SOX6: variants seen among roughly 807,000 people sequenced by gnomAD.
SOX6 encodes SRY-box transcription factor 6, also known as transcription factor SOX-6.
A neutral mutation model predicts 97.8 loss-of-function variants in SOX6; 11 were observed. That is an observed-to-expected ratio of 0.11 (90% confidence interval 0.07 to 0.19). SOX6 has a LOEUF of 0.19. Among genes scored for constraint, SOX6 ranks in the 10% least tolerant of loss-of-function variants. The pLI is 1.00. For missense variants in SOX6, 810 were observed against 1,039.5 expected, an observed-to-expected ratio of 0.78 and a Z score of 3.04; for synonymous variants, 360 against 371.4, an observed-to-expected ratio of 0.97 and a Z score of 0.35.
Position 16,442,963 on chromosome 11 carries a change from T to C in SOX6, c.-5+33352A>G, listed in dbSNP as rs79824148. Among the ~76,000 whole-genome samples the C allele has an allele frequency of 3.9e-5, 6 of 152,240 alleles. 1 individual carries two copies. The East Asian group carries it at 1.2e-3, about 29-fold the overall frequency. ...AGTGCACCACCAAAATCACAAGAAT[T>C]TTTTTTCAGCCCAATCCTTTCCCCC... On this transcript the variant is annotated intron_variant, in intron 1 of 15. Transcript: ENST00000396356.
intron 9 of SOX6, among the ~76,000 whole-genome samples, chr11:16,090,515 T>C (rs1275811940): frequency 2.0e-5 from 3 of 152,050 alleles, no homozygotes; most frequent in African/African-American, 4.8e-5. Flanking sequence ...TACCTATATT[T>C]CTTTAGCCTC....
At chr11:16,223,480 T>G (rs1183360130) in intron 4 of SOX6, among the ~76,000 whole-genome samples, 2 of 152,124 alleles carry the variant, frequency 1.3e-5, no homozygotes, top group African/African-American at 4.8e-5. Flanking sequence ...TACCCTGTCA[T>G]CTCTCATTCC....
chr11:16,514,096 G>C (rs1290378704), intron 4 of SOX6, among the ~76,000 whole-genome samples: 1 of 151,590 alleles, frequency 6.6e-6, no homozygotes, highest in Non-Finnish European at 1.5e-5. Flanking sequence ...CATTTTTGTA[G>C]TTCCAGCTAG....
At chr11:16,658,682 T>C (rs866065394) in intron 3 of SOX6, among the ~76,000 whole-genome samples, 1 of 150,772 alleles carries the variant, frequency 6.6e-6, no homozygotes, top group African/African-American at 2.5e-5. Context: ...CACTCCAGCC[T>C]GGGCAACAGA....
chr11:16,629,454 G>A (rs573144836), intron 3 of SOX6, among the ~76,000 whole-genome samples: 14 of 152,182 alleles, frequency 9.2e-5, no homozygotes, highest in African/African-American at 3.4e-4. Context: ...CCTTTTTATC[G>A]TGGTGAATTA....
At chr11:16,634,844 C>T (rs1224322853) in intron 3 of SOX6, among the ~76,000 whole-genome samples, 3 of 152,096 alleles carry the variant, frequency 2.0e-5, no homozygotes, top group South Asian at 4.1e-4. Context: ...AATCGAATCA[C>T]GGGGGCAGTT....
In SOX6 at chr11:16,484,481, C is replaced by G. The variant is rs1860397778; in HGVS notation, n.610-8093G>C. The G allele has an allele frequency of 3.7e-6, 3 of 809,906 alleles. No individual in the cohort carries two copies. In the East Asian group the frequency reaches 7.3e-5, roughly 20 times the overall value. 50.2% of individuals were successfully genotyped at this position (809,906 alleles called of 1,614,324 possible). A position where few individuals can be genotyped will look rare whatever the true frequency, so the allele number is the denominator to read the frequency against. Reference sequence around the variant, plus strand: ...CTCCTCGCACTTCACCACCTGCTCCCTGAGCTTCTCCTGAATGGCCACCTC... The same window carrying G: ...CTCCTCGCACTTCACCACCTGCTCCGTGAGCTTCTCCTGAATGGCCACCTC... On this transcript the variant is annotated intron_variant and non_coding_transcript_variant, in intron 4 of 5. Coordinates refer to the SOX6 transcript ENST00000524520.
intron 4 of SOX6, among the ~76,000 whole-genome samples, chr11:16,589,335 T>C (rs1848126262): frequency 6.6e-6 from 1 of 152,206 alleles, no homozygotes; most frequent in Admixed American, 6.5e-5. Flanking sequence ...CTTACCTAGA[T>C]TTAAATACAG....
intron 13 of SOX6, among the ~76,000 whole-genome samples, chr11:16,014,205 G>T (rs1454903146): frequency 1.3e-5 from 2 of 152,004 alleles, no homozygotes; most frequent in African/African-American, 4.8e-5. Flanking sequence ...AGCAATTTCT[G>T]CTGATGTGCT....
intron 4 of SOX6, among the ~76,000 whole-genome samples, chr11:16,213,116 G>A (rs1055011985): frequency 6.6e-6 from 1 of 151,920 alleles, no homozygotes; most frequent in Non-Finnish European, 1.5e-5. Context: ...CTCAAATCTA[G>A]GATAAATGAC....
At chr11:16,691,538 C>T (rs141612179) in intron 3 of SOX6, among the ~76,000 whole-genome samples, 1,693 of 152,270 alleles carry the variant, frequency 0.011, 24 homozygotes, top group African/African-American at 0.039. Flanking sequence ...TGGCTCAGGC[C>T]TGTAATCCCA....
intron 4 of SOX6, among the ~76,000 whole-genome samples, chr11:16,571,307 G>A (rs1460173007): frequency 4.6e-5 from 7 of 152,144 alleles, no homozygotes; most frequent in African/African-American, 4.8e-5. Context: ...TAGAGTAACC[G>A]TTCTTAATGA....
chr11:16,207,262 T>G (rs1852096763), intron 4 of SOX6, among the ~76,000 whole-genome samples: 1 of 152,152 alleles, frequency 6.6e-6, no homozygotes, highest in Non-Finnish European at 1.5e-5. Context: ...AAAGTATTAT[T>G]TATTGATAGC....
At chr11:16,705,465 A>T (rs1214748011) in intron 3 of SOX6, among the ~76,000 whole-genome samples, 2 of 152,036 alleles carry the variant, frequency 1.3e-5, no homozygotes, top group Non-Finnish European at 2.9e-5. Flanking sequence ...TCCCTAAAAA[A>T]CAAATTTAAA....
chr11:16,258,907 T>A (rs1338418440), intron 3 of SOX6, among the ~76,000 whole-genome samples: 1 of 151,634 alleles, frequency 6.6e-6, no homozygotes, highest in Non-Finnish European at 1.5e-5. Flanking sequence ...TATACATATA[T>A]ACACACACAT....
At chr11:15,976,633 G>C (rs1319880351) in intron 15 of SOX6, among the ~76,000 whole-genome samples, 1 of 152,086 alleles carries the variant, frequency 6.6e-6, no homozygotes, top group African/African-American at 2.4e-5. Context: ...ACAATACTCT[G>C]GTTCACAAGC....
intron 7 of SOX6, among the ~76,000 whole-genome samples, chr11:16,101,280 A>C (rs1038916259): frequency 2.0e-5 from 3 of 151,662 alleles, no homozygotes; most frequent in Non-Finnish European, 4.4e-5. Context: ...GCGAAACCAC[A>C]CTGTAGTAAA....
intron 4 of SOX6, among the ~76,000 whole-genome samples, chr11:16,203,628 C>A (rs988398266): frequency 1.3e-5 from 2 of 152,110 alleles, no homozygotes; most frequent in Non-Finnish European, 2.9e-5. Flanking sequence ...ATCTGTGCAA[C>A]TAAGAGCACA....
At chr11:16,325,663 A>C (rs998091165) in intron 2 of SOX6, among the ~76,000 whole-genome samples, 2 of 152,140 alleles carry the variant, frequency 1.3e-5, no homozygotes, top group South Asian at 2.1e-4. Context: ...CAGGATCTCA[A>C]ATATTATTTC....
Sources: gnomAD v4.1 joint callset for allele counts (sites outside exome capture counted in the v4.1 genomes callset) on GRCh38, gnomAD v4.1.1 for gene constraint, MANE v1.5 for transcripts, NCBI Gene and HGNC (gene_info 2026-07-23, HGNC 2026-07-21) for gene names.